The following PPM1E variants were observed in gnomAD, a reference collection of about 807,000 sequenced individuals.
The protein encoded by PPM1E is protein phosphatase, Mg2+/Mn2+ dependent 1E.
A neutral mutation model predicts 65.9 loss-of-function variants in PPM1E; 20 were observed. That is an observed-to-expected ratio of 0.30 (90% confidence interval 0.21 to 0.44). The LOEUF is 0.44. Ranked by LOEUF, PPM1E falls within the 20% of genes least tolerant of loss-of-function variation. PPM1E has a pLI of 1.00. For missense variants in PPM1E, 713 were observed against 953.1 expected (o/e 0.75, Z 3.32); for synonymous variants, 352 against 374.9 (o/e 0.94, Z 0.70).
In PPM1E at chr17:58,980,603, C is replaced by T; in HGVS notation, c.1840C>T (p.Gln614Ter). 1 of 1,614,182 alleles carries T rather than the reference C, an allele frequency of 6.2e-7. No homozygotes were observed. The highest frequency in any genetic ancestry group is 1.1e-5 in the South Asian group (1 of 91,082). The change falls in exon 7 of 7, where the codon CAG becomes TAG. Residue 614 changes from glutamine to a stop codon, truncating the protein, a stop_gained. Transcript: ENST00000308249. LOFTEE classifies it high-confidence loss of function. This position sits in a 1 kb window ranked among gnomAD's most constrained non-coding sequence, Gnocchi z 4.7. The part of the protein sequence containing the change: ...NELMMEKKSV[Q>*]SSLPEWSGAG... ...GTTAATGATGGAGAAAAAATCAGTT[C>T]AGTCATCATTGCCTGAATGGAGTGG...
intron 1 of PPM1E, among the ~76,000 whole-genome samples, chr17:58,790,144 A>G (rs1251128833): frequency 6.6e-6 from 1 of 152,122 alleles, no homozygotes; most frequent in Non-Finnish European, 1.5e-5. Context: ...TTACAGCTTC[A>G]AACTCCTGGG....
intron 1 of PPM1E, among the ~76,000 whole-genome samples, chr17:58,776,775 T>C (rs563223266): frequency 9.2e-5 from 14 of 152,338 alleles, no homozygotes; most frequent in African/African-American, 3.4e-4. Flanking sequence ...AACATTAACT[T>C]GCCTAAGTGG....
chr17:58,868,731 C>T (rs558612591), intron 1 of PPM1E, among the ~76,000 whole-genome samples: 1 of 151,954 alleles, frequency 6.6e-6, no homozygotes, highest in South Asian at 2.1e-4. Flanking sequence ...CCTTTTCTTC[C>T]TTGGTTAGGG....
chr17:58,941,034 A>T (rs893034884), intron 1 of PPM1E, among the ~76,000 whole-genome samples: 1 of 152,226 alleles, frequency 6.6e-6, no homozygotes, highest in Non-Finnish European at 1.5e-5. Flanking sequence ...ATGTAAATTT[A>T]AAAAACAACC....
chr17:58,980,876 T>C lies in PPM1E; in HGVS notation c.2113T>C (p.Ser705Pro). 6.2e-7 allele frequency: 1 copy of C among 1,614,240 alleles called. No individual in the cohort carries two copies. Residue 705 changes from serine to proline, a missense_variant, in exon 7 of 7, where the codon TCC (serine) becomes CCC (proline). Physicochemically the swap from Ser to Pro is moderately conservative, Grantham distance 74. This residue lies in a region of PPM1E where 286 missense variants were observed against 313.8 expected (regional missense o/e 0.91). Coordinates refer to ENST00000308249, the MANE Select transcript of PPM1E (RefSeq NM_014906.5). The surrounding 1 kb of genome is among the most constrained non-coding windows in gnomAD (Gnocchi z 4.7). Reference sequence around the variant, plus strand: ...TTCCCACAAAATAGGCACTAGCCTGTCCTCACTTACTGGAAGTGGGAAGAG... The same window carrying C: ...TTCCCACAAAATAGGCACTAGCCTGCCCTCACTTACTGGAAGTGGGAAGAG... ...EPSHKIGTSL[S>P]SLTGSGKRNR...
chr17:58,917,081 A>G (rs1013567199), intron 1 of PPM1E, among the ~76,000 whole-genome samples: 1 of 152,022 alleles, frequency 6.6e-6, no homozygotes, highest in African/African-American at 2.4e-5. Context: ...GTGGTTGTTC[A>G]TGCCTGTAAT....
chr17:58,849,390 C>T (rs1043965773), intron 1 of PPM1E, among the ~76,000 whole-genome samples: 6 of 152,158 alleles, frequency 3.9e-5, no homozygotes, highest in Admixed American at 6.6e-5. Context: ...ATCTTTCCTG[C>T]TTTCTCTTGT....
intron 1 of PPM1E, among the ~76,000 whole-genome samples, chr17:58,879,256 A>G (rs1469066376): frequency 8.4e-6 from 1 of 119,222 alleles, no homozygotes; most frequent in Non-Finnish European, 1.8e-5. Flanking sequence ...GGCTACTTGG[A>G]GTGCATTATC....
At chr17:58,930,840 T>C (rs79361490) in intron 1 of PPM1E, among the ~76,000 whole-genome samples, 1 of 152,022 alleles carries the variant, frequency 6.6e-6, no homozygotes, top group East Asian at 1.9e-4. Context: ...ATGGATAAAG[T>C]AGAATAATTG....
At chr17:58,859,087 T>G (rs898966745) in intron 1 of PPM1E, among the ~76,000 whole-genome samples, 8 of 152,188 alleles carry the variant, frequency 5.3e-5, no homozygotes, top group Non-Finnish European at 8.8e-5. Flanking sequence ...TGTTCCAAAG[T>G]GGGAAAGTTG....
intron 1 of PPM1E, among the ~76,000 whole-genome samples, chr17:58,818,552 T>TA (rs1166023985): frequency 6.6e-6 from 1 of 152,224 alleles, no homozygotes; most frequent in African/African-American, 2.4e-5. Context: ...GAGGGCTACT[T>TA]ATTCCCATAT....
At chr17:58,837,330 C>T (rs984348276) in intron 1 of PPM1E, among the ~76,000 whole-genome samples, 2 of 133,512 alleles carry the variant, frequency 1.5e-5, no homozygotes, top group African/African-American at 2.7e-5. Context: ...AACACACACA[C>T]ATACACACAC....
At chr17:58,834,942 G>A (rs2050639501) in intron 1 of PPM1E, among the ~76,000 whole-genome samples, 1 of 152,008 alleles carries the variant, frequency 6.6e-6, no homozygotes, top group Non-Finnish European at 1.5e-5. Flanking sequence ...TATAGGAATT[G>A]CATTAAACCA....
chr17:58,883,644 C>T (rs1471963185), intron 1 of PPM1E, among the ~76,000 whole-genome samples: 5 of 151,438 alleles, frequency 3.3e-5, no homozygotes, highest in African/African-American at 9.7e-5. Flanking sequence ...CCACCACGCC[C>T]GGCTAATTTT....
At chr17:58,840,166 T>G (rs949608218) in intron 1 of PPM1E, among the ~76,000 whole-genome samples, 1 of 152,182 alleles carries the variant, frequency 6.6e-6, no homozygotes, top group African/African-American at 2.4e-5. Context: ...CAGTGGTAAC[T>G]TCCCCCAGCA....
intron 5 of PPM1E, 49 bp downstream of exon 5, chr17:58,972,324 G>A: frequency 1.3e-6 from 2 of 1,545,618 alleles, no homozygotes; most frequent in Non-Finnish European, 1.8e-6. Flanking sequence ...TATTAGTTTA[G>A]ATTTTCTAGT....
intron 1 of PPM1E, among the ~76,000 whole-genome samples, chr17:58,885,027 C>T (rs952712420): frequency 2.0e-5 from 3 of 151,816 alleles, no homozygotes; most frequent in Non-Finnish European, 4.4e-5. Flanking sequence ...ATTCTTGTAA[C>T]CTCTGCTTAA....
chr17:58,982,492 C>T lies in PPM1E; in HGVS notation c.*1461C>T. On this transcript the variant is annotated 3_prime_UTR_variant, in exon 7 of 7. Coordinates refer to ENST00000308249, the MANE Select transcript of PPM1E (RefSeq NM_014906.5). ...GGTGAGTGCTCTCGCTAAGAAGTGTCCCCCGCCTAATCATGTGTTTATAGG... is the reference window on the plus strand; with the variant it reads ...GGTGAGTGCTCTCGCTAAGAAGTGTTCCCCGCCTAATCATGTGTTTATAGG... The T allele has an allele frequency of 6.1e-6, 1 of 163,300 alleles. No homozygotes were observed. The highest frequency in any genetic ancestry group is 1.3e-5 in the Non-Finnish European group (1 of 74,806). The allele number at this position is 163,300 out of a possible 1,614,324, so 10.1% of individuals were successfully genotyped here.
At chr17:58,799,044 A>G (rs978029879) in intron 1 of PPM1E, among the ~76,000 whole-genome samples, 3 of 152,100 alleles carry the variant, frequency 2.0e-5, no homozygotes, top group African/African-American at 7.2e-5. Context: ...TCCATTGCAA[A>G]TTAATTTTTG....
Sources: allele counts gnomAD v4.1 joint callset (sites outside exome capture counted in the v4.1 genomes callset), GRCh38; gene constraint gnomAD v4.1.1; regional missense constraint gnomAD v4.1.1; non-coding constraint Gnocchi (gnomAD v3.1); transcripts MANE v1.5; gene names NCBI Gene and HGNC (gene_info 2026-07-23, HGNC 2026-07-21).